Variants in ALPK1 observed in about 807,000 individuals in gnomAD.
The protein encoded by ALPK1 is alpha kinase 1.
ALPK1 carries 110 observed loss-of-function variants against 120.6 expected under a neutral mutation model. That is an observed-to-expected ratio of 0.91 (90% CI 0.78 to 1.07). The LOEUF is 1.07. Among genes scored for constraint, ALPK1 ranks in the 50% least tolerant of loss-of-function variants. ALPK1 has a pLI of 0.00. For synonymous variants in ALPK1, 582 were observed against 560.3 expected (o/e 1.04, Z -0.55); for missense variants, 1,498 against 1,483.9 (o/e 1.01, Z -0.16).
intron 2 of ALPK1, among the ~76,000 whole-genome samples, chr4:112,325,752 T>C (rs1440369895): frequency 1.3e-5 from 2 of 152,224 alleles, no homozygotes; most frequent in Non-Finnish European, 2.9e-5. Flanking sequence ...TAATTGGAGA[T>C]TGATTGCCTC....
At chr4:112,440,823 G>A in intron 14 of ALPK1, 94 bp from the exon 15 acceptor site, 3 of 1,497,792 alleles carry the variant, frequency 2.0e-6, no homozygotes, top group Non-Finnish European at 2.7e-6. Context: ...GTGTGTGTGT[G>A]TGTGTGTGTG....
intron 2 of ALPK1, among the ~76,000 whole-genome samples, chr4:112,345,856 A>G (rs1379519996): frequency 1.3e-5 from 2 of 152,160 alleles, no homozygotes; most frequent in Non-Finnish European, 2.9e-5. Flanking sequence ...TAAGTATTTC[A>G]GAATGTATCC....
chr4:112,390,912 G>T (rs1035930538), intron 4 of ALPK1, among the ~76,000 whole-genome samples: 1 of 152,186 alleles, frequency 6.6e-6, no homozygotes, highest in African/African-American at 2.4e-5. Context: ...ACACTGAACT[G>T]CCAAGGAAAG....
intron 4 of ALPK1, among the ~76,000 whole-genome samples, chr4:112,393,766 G>C (rs1177899803): frequency 6.6e-6 from 1 of 152,166 alleles, no homozygotes; most frequent in African/African-American, 2.4e-5. Flanking sequence ...CTCAAGTACT[G>C]CATCTTTTCT....
chr4:112,412,020 A>T lies in ALPK1; in HGVS notation c.470A>T (p.Asn157Ile), dbSNP rs751694209. 1.2e-6 allele frequency: 2 copies of T among 1,613,406 alleles called. No individual in the cohort carries two copies. The highest frequency in any genetic ancestry group is 1.7e-6 in the Non-Finnish European group (2 of 1,179,874). Residue 157 changes from asparagine to isoleucine, a missense_variant, in exon 5 of 16, where the codon AAC becomes ATC. By Grantham distance (149) the Asn-to-Ile change is moderately radical. Coordinates refer to ENST00000650871, the MANE Select transcript of ALPK1 (RefSeq NM_025144.4). The stretch of plus-strand genomic sequence containing the variant: ...ATTCGCCAAGCCCGAATCTCCGTGA[A>T]CTCAGGTATGCTCCCTCCTGCTGGC... ...VVIRQARISVNSGKLLKAEYI... is the reference protein window; with the variant it reads ...VVIRQARISVISGKLLKAEYI...
chr4:112,439,972 T>C, intron 14 of ALPK1, 100 bp downstream of exon 14: 1 of 1,052,540 alleles, frequency 9.5e-7, no homozygotes, highest in Non-Finnish European at 1.3e-6. Context: ...TTGTTCCATG[T>C]ATAGGCTATT....
intron 4 of ALPK1, among the ~76,000 whole-genome samples, chr4:112,409,653 C>A (rs1010595696): frequency 2.6e-5 from 4 of 152,062 alleles, no homozygotes; most frequent in African/African-American, 9.7e-5. Context: ...TTCCTTTAGA[C>A]AGCTTGTTCC....
chr4:112,388,563 A>G (rs1732254433), intron 4 of ALPK1, among the ~76,000 whole-genome samples: 1 of 151,988 alleles, frequency 6.6e-6, no homozygotes, highest in South Asian at 2.1e-4. Context: ...TGATTCTTTC[A>G]TCATTTTTCA....
At chr4:112,359,162 C>T in intron 2 of ALPK1, 3 of 644,322 alleles carry the variant, frequency 4.7e-6, no homozygotes, top group South Asian at 3.2e-5. Context: ...TCAACCAGGG[C>T]AGGCCCCACC....
intron 5 of ALPK1, chr4:112,414,621 AGAG>A (rs1350094342): frequency 5.7e-6 from 1 of 175,352 alleles, no homozygotes; most frequent in South Asian, 1.2e-4. Flanking sequence ...AAAAAAAAAA[AGAG>A]AGACGACTCA....
intron 2 of ALPK1, chr4:112,357,840 G>A: frequency 9.5e-7 from 1 of 1,054,224 alleles, no homozygotes; most frequent in Non-Finnish European, 1.5e-6. Flanking sequence ...AGTTCTGGCA[G>A]GCCCACTACT....
chr4:112,314,196 G>A (rs554816338), intron 1 of ALPK1, among the ~76,000 whole-genome samples: 12 of 152,292 alleles, frequency 7.9e-5, no homozygotes, highest in Admixed American at 2.6e-4. Context: ...TGTTAGATTC[G>A]TAGAAGGGAG....
chr4:112,377,687 C>A lies in ALPK1; in HGVS notation c.-91C>A, dbSNP rs1398489677. 4 of 1,287,374 alleles carry A rather than the reference C, an allele frequency of 3.1e-6. No homozygotes were observed. The highest frequency in any genetic ancestry group is 3.0e-5 in the African/African-American group (2 of 66,288). The allele number at this position is 1,287,374 out of a possible 1,614,324, so 79.7% of individuals were successfully genotyped here. A position where few individuals can be genotyped will look rare whatever the true frequency, so the allele number is the denominator to read the frequency against. ...CTCTTTTGTTCACCAGGTACTTCGG[C>A]CTTCAAGGGGCTCCTTTATTGAGAA... On this transcript the variant is annotated 5_prime_UTR_variant, in exon 3 of 16. Coordinates refer to ENST00000650871, the MANE Select transcript of ALPK1 (RefSeq NM_025144.4).
At chr4:112,334,443 AAAAAG>A (rs1390871923) in intron 2 of ALPK1, among the ~76,000 whole-genome samples, 36 of 151,632 alleles carry the variant, frequency 2.4e-4, no homozygotes, top group East Asian at 1.9e-4. Flanking sequence ...AAAAAAAAAA[AAAAAG>A]AAAAGAAAAG....
intron 1 of ALPK1, 70 bp from the exon 2 acceptor site, chr4:112,315,731 T>C (rs1213378525): frequency 1.3e-5 from 2 of 152,242 alleles, no homozygotes; most frequent in Non-Finnish European, 2.9e-5. Flanking sequence ...TGTGACATAA[T>C]GCAAGAAATA....
At position 112,431,865 on chromosome 4, in the gene ALPK1, G is replaced by A. The variant is rs1463799030; in HGVS notation, c.2318G>A (p.Gly773Asp). The change falls in exon 11 of 16, where the codon GGC becomes GAC. Residue 773 changes from glycine (G) to aspartate (D), a missense_variant. Gly to Asp is a moderately conservative substitution (Grantham distance 94, BLOSUM62 -1). Coordinates refer to ENST00000650871, the MANE Select transcript of ALPK1 (RefSeq NM_025144.4). ...KEQGEEISER[G>D]AGPTFKASPS... is the part of the protein sequence containing the mutation. ...CAGGGAGAAGAAATTAGTGAAAGAGGCGCAGGCCCTACATTTAAAGCTAGT... is the reference window on the plus strand; with the variant it reads ...CAGGGAGAAGAAATTAGTGAAAGAGACGCAGGCCCTACATTTAAAGCTAGT... 1 of 1,613,888 alleles carries A rather than the reference G, an allele frequency of 6.2e-7. No individual in the cohort carries two copies. Among genetic ancestry groups the A allele is most frequent in the African/African-American group, 1.3e-5 (1 of 74,932 alleles).
intron 14 of ALPK1, among the ~76,000 whole-genome samples, chr4:112,440,512 C>A (rs73841043): frequency 9.5e-4 from 131 of 137,678 alleles, no homozygotes; most frequent in African/African-American, 3.2e-3. Flanking sequence ...TGTCTGCACT[C>A]AATAAATATT....
chr4:112,423,534 C>T (rs1447211258), intron 5 of ALPK1, among the ~76,000 whole-genome samples: 2 of 152,202 alleles, frequency 1.3e-5, no homozygotes, highest in African/African-American at 4.8e-5. Context: ...AATCTCCTCA[C>T]TCCCCACCCC....
At chr4:112,304,655 T>G (rs865805369) in intron 1 of ALPK1, among the ~76,000 whole-genome samples, 10 of 152,258 alleles carry the variant, frequency 6.6e-5, no homozygotes, top group Middle Eastern at 3.4e-3. Flanking sequence ...TATTAGCCCT[T>G]TGTCAAATAA....
Sources: allele counts gnomAD v4.1 joint callset (sites outside exome capture counted in the v4.1 genomes callset), GRCh38; gene constraint gnomAD v4.1.1; transcripts MANE v1.5; gene names NCBI Gene and HGNC (gene_info 2026-07-23, HGNC 2026-07-21).